The following USP3 variants were observed in gnomAD, a reference collection of about 807,000 sequenced individuals.
USP3 encodes the protein ubiquitin specific peptidase 3.
A neutral mutation model predicts 72.3 loss-of-function variants in USP3; 20 were observed. The ratio of observed to expected loss-of-function variants is 0.28; its 90% CI spans 0.19 to 0.40. The LOEUF (loss-of-function observed/expected upper bound fraction) is 0.40, where lower values mean the gene tolerates loss of function less well. Ranked by LOEUF, USP3 falls within the 10% of genes least tolerant of loss-of-function variation. The probability of loss-of-function intolerance (pLI) is 1.00; values close to 1 mark genes in which losing one functional copy is unlikely to be tolerated. For missense variants in USP3, 479 were observed against 633.9 expected, an observed-to-expected ratio of 0.76 and a Z score of 2.62; for synonymous variants, 222 against 225.3, an observed-to-expected ratio of 0.99 and a Z score of 0.13.
rs1260963487 is a variant in USP3, at chr15:63,559,913, A to G, written c.590A>G (p.Asn197Ser). 1.9e-6 allele frequency: 3 copies of G among 1,614,100 alleles called. No homozygotes were observed. The highest frequency in any genetic ancestry group is 1.6e-4 in the Middle Eastern group (1 of 6,062). Reference sequence around the variant, plus strand: ...GAACTGCCCGCCGTGGAGTTAAGGAATGGGAAAACAGCAGGAAGGCGGACA... The same window carrying G: ...GAACTGCCCGCCGTGGAGTTAAGGAGTGGGAAAACAGCAGGAAGGCGGACA... ...FKELPAVELRNGKTAGRRTYH... is the reference protein window; with the variant it reads ...FKELPAVELRSGKTAGRRTYH... The change falls in exon 7 of 15, where the codon AAT (asparagine) becomes AGT (serine). Residue 197 changes from asparagine to serine, a missense_variant. Asn to Ser is a conservative substitution (Grantham distance 46). Transcript: ENST00000380324.
At chr15:63,576,785 G>T (rs1347495626) in intron 11 of USP3, among the ~76,000 whole-genome samples, 2 of 152,084 alleles carry the variant, frequency 1.3e-5, no homozygotes, top group African/African-American at 2.4e-5. Context: ...GCTTATTGTC[G>T]GCTTTAAAAA....
chr15:63,581,490 C>CT (rs2066961602), intron 11 of USP3, among the ~76,000 whole-genome samples: 2 of 149,478 alleles, frequency 1.3e-5, no homozygotes, highest in Admixed American at 1.3e-4. Flanking sequence ...TCAAGCGATT[C>CT]TTCTGCCTAA....
chr15:63,519,718 C>T (rs2065893149), intron 1 of USP3, among the ~76,000 whole-genome samples: 1 of 152,134 alleles, frequency 6.6e-6, no homozygotes, highest in South Asian at 2.1e-4. Flanking sequence ...TGATTCTTGC[C>T]TGAATCAGTT....
intron 1 of USP3, among the ~76,000 whole-genome samples, chr15:63,508,724 GT>G (rs1228639417): frequency 6.6e-6 from 1 of 152,162 alleles, no homozygotes; most frequent in African/African-American, 2.4e-5. Context: ...CTGAATGCAA[GT>G]GTTTTGATAA....
In USP3 at chr15:63,544,138, T is replaced by C. The variant is rs2066285911; in HGVS notation, c.284+6982T>C. ...ATAGTTTATTTCATCTCTAGCTCAT[T>C]CTTTAAAAATTATTCTTTTTTGTAA... On this transcript the variant is annotated intron_variant, in intron 3 of 14. Coordinates refer to ENST00000380324, the MANE Select transcript of USP3 (RefSeq NM_006537.4). This position sits in a 1 kb window ranked among gnomAD's most constrained non-coding sequence, Gnocchi z 4.2. The C allele has an allele frequency of 6.7e-6, 1 of 150,164 alleles. No homozygotes were observed. The highest frequency in any genetic ancestry group is 2.4e-5 in the African/African-American group (1 of 41,088). The allele number at this position is 150,164 out of a possible 1,614,324, so 9.3% of individuals were successfully genotyped here.
chr15:63,513,231 G>A (rs1334868690), intron 1 of USP3, among the ~76,000 whole-genome samples: 2 of 152,134 alleles, frequency 1.3e-5, no homozygotes, highest in Admixed American at 6.5e-5. Context: ...GACTGTTCTT[G>A]TACTGCCTCA....
intron 3 of USP3, among the ~76,000 whole-genome samples, chr15:63,541,654 G>A (rs1215579942): frequency 3.3e-5 from 5 of 152,132 alleles, no homozygotes; most frequent in Non-Finnish European, 7.4e-5. Flanking sequence ...ATACATCAGA[G>A]TTTAGTAAGA....
chr15:63,582,682 A>T (rs7180729), intron 11 of USP3, among the ~76,000 whole-genome samples: 25,756 of 152,108 alleles, frequency 0.17, 2,275 homozygotes, highest in South Asian at 0.2. Flanking sequence ...CAACTCAAAA[A>T]GGCAGGGAGG....
At chr15:63,556,992 TCAC>T (rs948779980) in intron 5 of USP3, 1 of 355,122 alleles carries the variant, frequency 2.8e-6, no homozygotes, top group Admixed American at 4.1e-5. Context: ...AGAAAACAGT[TCAC>T]TCTTAATACT....
At chr15:63,513,411 A>G (rs1165503940) in intron 1 of USP3, among the ~76,000 whole-genome samples, 3 of 152,010 alleles carry the variant, frequency 2.0e-5, no homozygotes, top group Non-Finnish European at 4.4e-5. Context: ...ATGGAGTCTC[A>G]CTCTGTCACC....
chr15:63,548,981 A>G (rs1305776068), intron 3 of USP3, among the ~76,000 whole-genome samples: 1 of 152,244 alleles, frequency 6.6e-6, no homozygotes, highest in Non-Finnish European at 1.5e-5. Context: ...TAAAAGAGAA[A>G]TAATTCAAGT....
chr15:63,518,261 G>T (rs2065876942), intron 1 of USP3, among the ~76,000 whole-genome samples: 1 of 152,170 alleles, frequency 6.6e-6, no homozygotes, highest in Non-Finnish European at 1.5e-5. Context: ...GAGAAAATAG[G>T]CAAGCCAGGG....
At chr15:63,545,970 C>CAAAAAAAA (rs60122671) in intron 3 of USP3, among the ~76,000 whole-genome samples, 6 of 68,846 alleles carry the variant, frequency 8.7e-5, no homozygotes, top group African/African-American at 3.6e-4. Context: ...GACCTTGTCT[C>CAAAAAAAA]AAAAAAAAAA....
chr15:63,554,175 G>C (rs1054345322), intron 4 of USP3, among the ~76,000 whole-genome samples: 3 of 152,108 alleles, frequency 2.0e-5, no homozygotes, highest in Admixed American at 2.0e-4. Flanking sequence ...GTATTATGAG[G>C]TCTACTAGGA....
At chr15:63,563,134 T>C (rs1224314845) in intron 8 of USP3, 126 bp downstream of exon 8, 1 of 619,938 alleles carries the variant, frequency 1.6e-6, no homozygotes, top group Non-Finnish European at 2.5e-6. Context: ...GGTGTTTTTT[T>C]CTTTTTAAGA....
At chr15:63,564,256 T>C (rs966233256) in intron 8 of USP3, among the ~76,000 whole-genome samples, 3 of 152,102 alleles carry the variant, frequency 2.0e-5, no homozygotes, top group Admixed American at 2.0e-4. Flanking sequence ...AAGAACAAAA[T>C]TCCAGCCAAG....
intron 1 of USP3, among the ~76,000 whole-genome samples, chr15:63,520,689 G>A (rs900840467): frequency 1.3e-5 from 2 of 148,980 alleles, no homozygotes; most frequent in Admixed American, 1.4e-4. Flanking sequence ...TCAGCCTCCC[G>A]AGTGGCTGGG....
rs746632369 is a variant in USP3, at chr15:63,559,897, G to T, written c.574G>T (p.Ala192Ser). The T allele has an allele frequency of 1.2e-6, 2 of 1,613,766 alleles. No individual in the cohort carries two copies. The highest frequency in any genetic ancestry group is 2.2e-5 in the East Asian group (1 of 44,850). ...QFCCYFKELP[A>S]VELRNGKTAG... ...TTGCTGTTATTTCAAAGAACTGCCC[G>T]CCGTGGAGTTAAGGAATGGGAAAAC... is the stretch of plus-strand genomic sequence containing the variant. Residue 192 changes from alanine to serine, a missense_variant, in exon 7 of 15, where the codon GCC (alanine) becomes TCC (serine). By Grantham distance (99) the Ala-to-Ser change is moderately conservative. Transcript: ENST00000380324.
At chr15:63,542,572 A>C (rs113722928) in intron 3 of USP3, among the ~76,000 whole-genome samples, 1 of 152,068 alleles carries the variant, frequency 6.6e-6, no homozygotes, top group Non-Finnish European at 1.5e-5. Flanking sequence ...CCTGAGTTCT[A>C]TGAACATATT....
Sources: gnomAD v4.1 joint callset for allele counts (sites outside exome capture counted in the v4.1 genomes callset) on GRCh38, gnomAD v4.1.1 for gene constraint, Gnocchi (gnomAD v3.1) non-coding constraint, MANE v1.5 for transcripts, NCBI Gene and HGNC (gene_info 2026-07-23, HGNC 2026-07-21) for gene names.